The following RAD51B variants were observed in gnomAD, a reference collection of about 807,000 sequenced individuals.
The protein encoded by RAD51B is RAD51 paralog B.
RAD51B carries 38 observed loss-of-function variants against 42.2 expected under a neutral mutation model. That is an observed-to-expected ratio of 0.90 (90% confidence interval 0.70 to 1.18). RAD51B has a LOEUF of 1.18. Ranked by LOEUF, RAD51B falls within the 50% of genes most tolerant of loss-of-function variation. RAD51B has a pLI of 0.00. For missense variants in RAD51B, 373 were observed against 400.7 expected (o/e 0.93, Z 0.59); for synonymous variants, 154 against 145.2 (o/e 1.06, Z -0.43).
chr14:67,927,048 C>T (rs978589508), intron 7 of RAD51B, among the ~76,000 whole-genome samples: 2 of 152,146 alleles, frequency 1.3e-5, no homozygotes, highest in African/African-American at 4.8e-5. Context: ...TGAGTCATCC[C>T]ATTCCTGTTA....
intron 9 of RAD51B, among the ~76,000 whole-genome samples, chr14:68,439,840 G>T (rs912543949): frequency 1.3e-5 from 2 of 152,214 alleles, no homozygotes; most frequent in Admixed American, 6.5e-5. Context: ...CTCCAAAAGA[G>T]GTGTGTTGAA....
chr14:68,483,316 C>T (rs1406793291), intron 10 of RAD51B, among the ~76,000 whole-genome samples: 1 of 152,188 alleles, frequency 6.6e-6, no homozygotes, highest in African/African-American at 2.4e-5. Context: ...CCTCAGATTA[C>T]CTGGCATACA....
intron 7 of RAD51B, among the ~76,000 whole-genome samples, chr14:68,103,948 T>C (rs1185310705): frequency 1.3e-5 from 2 of 152,148 alleles, no homozygotes; most frequent in East Asian, 3.8e-4. Context: ...AGTATTAGGG[T>C]TGTGGCTTGC....
intron 10 of RAD51B, among the ~76,000 whole-genome samples, chr14:68,552,123 G>A (rs1397979250): frequency 6.6e-6 from 1 of 152,212 alleles, no homozygotes; most frequent in Non-Finnish European, 1.5e-5. Flanking sequence ...GGAAGCCCAG[G>A]AGATACAGTA....
intron 7 of RAD51B, among the ~76,000 whole-genome samples, chr14:67,889,514 A>G (rs926818049): frequency 6.7e-6 from 1 of 148,218 alleles, no homozygotes; most frequent in Non-Finnish European, 1.5e-5. Context: ...TATAAATATA[A>G]ATATATAAAA....
chr14:68,078,661 A>C (rs2076869137), intron 7 of RAD51B, among the ~76,000 whole-genome samples: 1 of 152,186 alleles, frequency 6.6e-6, no homozygotes, highest in Non-Finnish European at 1.5e-5. Context: ...TTAATACTTG[A>C]ATAAGTCATT....
At chr14:68,259,452 A>C (rs1367261971) in intron 7 of RAD51B, among the ~76,000 whole-genome samples, 1 of 152,116 alleles carries the variant, frequency 6.6e-6, no homozygotes. Flanking sequence ...AAAGTATAAT[A>C]ATAATAAAAT....
chr14:68,620,384 G>A (rs17106042), intron 10 of RAD51B, among the ~76,000 whole-genome samples: 5,680 of 152,218 alleles, frequency 0.037, 348 homozygotes, highest in African/African-American at 0.13. Context: ...GGTAGCTGTT[G>A]TAATCTGACT....
At chr14:68,169,725 A>G (rs184226015) in intron 7 of RAD51B, among the ~76,000 whole-genome samples, 1 of 152,218 alleles carries the variant, frequency 6.6e-6, no homozygotes, top group African/African-American at 2.4e-5. Context: ...CTTGCAAGGT[A>G]GCCATGATGG....
In RAD51B at chr14:68,024,806, C is replaced by T. The variant is rs555283921; in HGVS notation, c.756+137602C>T. 4.6e-5 allele frequency among the ~76,000 whole-genome samples: 7 copies of T among 152,078 alleles called. No homozygotes were observed. In the South Asian group the frequency reaches 1.5e-3, roughly 32 times the overall value. The stretch of plus-strand genomic sequence containing the variant: ...TCAGTGAAGAGAGATAGTTTGACTT[C>T]TTCTTTTCCTATTTGGATGCCTTTT... On this transcript the variant is annotated intron_variant, in intron 7 of 10. Coordinates refer to ENST00000471583, the MANE Select transcript of RAD51B (RefSeq NM_133510.4).
At chr14:68,516,158 T>C (rs1332054526) in intron 10 of RAD51B, among the ~76,000 whole-genome samples, 1 of 152,192 alleles carries the variant, frequency 6.6e-6, no homozygotes, top group African/African-American at 2.4e-5. Context: ...GGTTTTAGGA[T>C]ACTTTGCTAT....
chr14:68,315,482 T>C (rs555901330), intron 8 of RAD51B, among the ~76,000 whole-genome samples: 4 of 152,184 alleles, frequency 2.6e-5, no homozygotes, highest in Non-Finnish European at 5.9e-5. Flanking sequence ...CTGCCAGCAT[T>C]AGCAGCTCTC....
At chr14:68,319,750 C>G (rs2082124478) in intron 8 of RAD51B, among the ~76,000 whole-genome samples, 1 of 152,172 alleles carries the variant, frequency 6.6e-6, no homozygotes, top group Admixed American at 6.5e-5. Flanking sequence ...TAGCTCCACA[C>G]CCTTTTTAAT....
chr14:68,164,425 A>G (rs896472817), intron 7 of RAD51B, among the ~76,000 whole-genome samples: 2 of 152,166 alleles, frequency 1.3e-5, no homozygotes, highest in Non-Finnish European at 2.9e-5. Context: ...AACTATACTT[A>G]TTTTATACTA....
At chr14:68,613,934 G>A (rs1280361187), downstream of RAD51B, among the ~76,000 whole-genome samples, 5 of 152,176 alleles carry the variant, frequency 3.3e-5, no homozygotes, top group South Asian at 4.1e-4. Context: ...CATTCAGAAC[G>A]CCCAATTTAA....
chr14:68,232,990 A>G (rs886742420), intron 7 of RAD51B, among the ~76,000 whole-genome samples: 1 of 152,224 alleles, frequency 6.6e-6, no homozygotes, highest in Middle Eastern at 3.2e-3. Context: ...ATATTGCCAA[A>G]AGCTTTTAAG....
At chr14:67,912,093 G>A (rs564336778) in intron 7 of RAD51B, among the ~76,000 whole-genome samples, 3 of 152,304 alleles carry the variant, frequency 2.0e-5, no homozygotes, top group African/African-American at 7.2e-5. Context: ...AAAAAGCAAA[G>A]CATATTTTAA....
chr14:68,054,018 G>A (rs918280616), intron 7 of RAD51B, among the ~76,000 whole-genome samples: 2 of 152,152 alleles, frequency 1.3e-5, no homozygotes, highest in African/African-American at 4.8e-5. Flanking sequence ...TGAATTTTTG[G>A]AATTGAAGAC....
chr14:67,833,313 T>C (rs1032010547), intron 3 of RAD51B, among the ~76,000 whole-genome samples: 8 of 151,916 alleles, frequency 5.3e-5, no homozygotes, highest in African/African-American at 1.9e-4. Context: ...GAAGTGGAGG[T>C]TGTAGTGAGC....
Sources: gnomAD v4.1 joint callset for allele counts (sites outside exome capture counted in the v4.1 genomes callset) on GRCh38, gnomAD v4.1.1 for gene constraint, MANE v1.5 for transcripts, NCBI Gene and HGNC (gene_info 2026-07-23, HGNC 2026-07-21) for gene names.